LMNTD1: variants seen among roughly 807,000 people sequenced by gnomAD.
LMNTD1 encodes the protein lamin tail domain-containing protein 1.
In LMNTD1, 35 loss-of-function variants were observed where a neutral mutation model predicts 50.9. The observed-to-expected ratio is 0.69, with a 90% CI of 0.53 to 0.91. The LOEUF is 0.91. LMNTD1 is among the 40% of genes least tolerant of loss of function. The pLI is 0.00. For synonymous variants in LMNTD1, 153 were observed against 161.9 expected (o/e 0.94, Z 0.42); for missense variants, 470 against 475.5 (o/e 0.99, Z 0.11).
chr12:25,493,037 T>C (rs1393000579), intron 9 of LMNTD1, among the ~76,000 whole-genome samples: 3 of 152,240 alleles, frequency 2.0e-5, no homozygotes, highest in Non-Finnish European at 4.4e-5. Context: ...ACATCTAGCC[T>C]GTCTCTTAAA....
chr12:25,619,217 A>ACTCTCTCTCTCTCTCTCTCT (rs143233739), intron 1 of LMNTD1, among the ~76,000 whole-genome samples: 2 of 120,110 alleles, frequency 1.7e-5, no homozygotes, highest in African/African-American at 6.4e-5. Flanking sequence ...ATGCTTTTCA[A>ACTCTCTCTCTCTCTCTCTCT]CTCTCTCTCT....
Position 25,552,937 on chromosome 12 carries a change from T to C in LMNTD1, c.23A>G (p.Gln8Arg), listed in dbSNP as rs1481254581. The change falls in exon 2 of 10, where the codon CAG becomes CGG. Residue 8 changes from glutamine (Q) to arginine (R), a missense_variant. Coordinates refer to ENST00000458174, the MANE Select transcript of LMNTD1 (RefSeq NM_001145728.2). ...ATTCTGCATTGCCTTCGAAGCTTCC[T>C]GAATGTCTTGTGTATCTTTCATCTT... The part of the protein sequence containing the change: MKDTQDI[Q>R]EASKAMQNKV... 6.4e-7 allele frequency: 1 copy of C among 1,569,900 alleles called. No individual in the cohort carries two copies. Among genetic ancestry groups the C allele is most frequent in the Non-Finnish European group, 8.6e-7 (1 of 1,156,074 alleles).
upstream of LMNTD1, among the ~76,000 whole-genome samples, chr12:25,556,112 A>G (rs938264663): frequency 6.6e-6 from 1 of 151,950 alleles, no homozygotes; most frequent in African/African-American, 2.4e-5. Context: ...AGCTAGGACT[A>G]CAGGCATGTG....
intron 1 of LMNTD1, among the ~76,000 whole-genome samples, chr12:25,647,386 G>A (rs1335703453): frequency 6.6e-6 from 1 of 152,180 alleles, no homozygotes; most frequent in Non-Finnish European, 1.5e-5. Flanking sequence ...CTGCTCTGAA[G>A]GCTGAGGTGG....
At chr12:25,607,784 T>C (rs1414947802) in intron 1 of LMNTD1, among the ~76,000 whole-genome samples, 2 of 152,070 alleles carry the variant, frequency 1.3e-5, no homozygotes, top group African/African-American at 4.8e-5. Flanking sequence ...AAAGTGTGAT[T>C]TGGTGCTGAG....
chr12:25,580,008 T>C (rs1376925845), intron 1 of LMNTD1, among the ~76,000 whole-genome samples: 3 of 152,146 alleles, frequency 2.0e-5, no homozygotes, highest in Non-Finnish European at 4.4e-5. Context: ...CCCTTCATGA[T>C]TGGGCCTAAG....
Position 25,552,880 on chromosome 12 carries a change from TTCTC to T in LMNTD1, c.76_79del (p.Glu26AsnfsTer14). On this transcript the variant is annotated frameshift_variant, in exon 2 of 10. Transcript: ENST00000458174. LOFTEE classifies it high-confidence loss of function. ...ATCTATGCATGCTCACTGTTTTTGT[TTCTC>T]ATTCTTATCTTCCTGCTCATGGACT... 6.5e-7 allele frequency: 1 copy of T among 1,544,588 alleles called. No homozygotes were observed. The highest frequency in any genetic ancestry group is 8.8e-7 in the Non-Finnish European group (1 of 1,140,382).
chr12:25,518,884 G>A lies in LMNTD1; in HGVS notation c.1100C>T (p.Pro367Leu). 5 of 1,614,110 alleles carry A rather than the reference G, an allele frequency of 3.1e-6. No individual in the cohort carries two copies. The highest frequency in any genetic ancestry group is 4.2e-6 in the Non-Finnish European group (5 of 1,180,012). ...NPYVSAHPYC[P>L]LIEPHNTSTA... ...GGATGTATTGTGTGGTTCAATCAGA[G>A]GACAGTAAGGATGTGCAGAGACATA... The change falls in exon 8 of 10, where the codon CCT (proline) becomes CTT (leucine). Residue 367 changes from proline to leucine, a missense_variant. Coordinates refer to ENST00000458174, the MANE Select transcript of LMNTD1 (RefSeq NM_001145728.2).
intron 1 of LMNTD1, among the ~76,000 whole-genome samples, chr12:25,619,272 ATATATATG>A (rs1264370090): frequency 0.034 from 2,031 of 59,408 alleles, 22 homozygotes; most frequent in Middle Eastern, 0.045. Context: ...ATATATATAT[ATATATATG>A]TATAGCTAAC....
At chr12:25,623,901 G>A (rs1260650972) in intron 1 of LMNTD1, among the ~76,000 whole-genome samples, 1 of 152,120 alleles carries the variant, frequency 6.6e-6, no homozygotes, top group South Asian at 2.1e-4. Flanking sequence ...GCCATGGCCT[G>A]CTCTTTGCTG....
intron 9 of LMNTD1, among the ~76,000 whole-genome samples, chr12:25,497,263 G>A (rs1022001295): frequency 1.3e-5 from 2 of 152,050 alleles, no homozygotes; most frequent in East Asian, 3.9e-4. Context: ...CCTTTGCAGC[G>A]AGGATGAGAC....
intron 1 of LMNTD1, among the ~76,000 whole-genome samples, chr12:25,627,979 G>A (rs10842587): frequency 0.5 from 74,817 of 150,234 alleles, 20,472 homozygotes; most frequent in Non-Finnish European, 0.63. Context: ...ATGGTGGCGC[G>A]CGCCTGTAGT....
At chr12:25,527,413 T>C (rs1039623443) in intron 4 of LMNTD1, among the ~76,000 whole-genome samples, 7 of 151,544 alleles carry the variant, frequency 4.6e-5, no homozygotes, top group African/African-American at 1.7e-4. Context: ...AAACATAGGA[T>C]GGTGTTTTTC....
intron 4 of LMNTD1, among the ~76,000 whole-genome samples, chr12:25,537,177 C>T (rs1445827018): frequency 6.6e-6 from 1 of 152,190 alleles, no homozygotes; most frequent in Non-Finnish European, 1.5e-5. Flanking sequence ...CCCAGGCTTG[C>T]TTAGGTAAAC....
intron 8 of LMNTD1, among the ~76,000 whole-genome samples, chr12:25,513,966 A>G (rs962772903): frequency 2.1e-5 from 3 of 145,916 alleles, no homozygotes; most frequent in African/African-American, 7.7e-5. Context: ...AGTATCATAA[A>G]GGTATCAACT....
intron 9 of LMNTD1, among the ~76,000 whole-genome samples, chr12:25,476,695 A>C (rs1157238616): frequency 1.3e-5 from 2 of 152,176 alleles, no homozygotes; most frequent in Non-Finnish European, 2.9e-5. Flanking sequence ...TCTAGACTAA[A>C]GGATTTCTAT....
chr12:25,532,571 A>C (rs1942299319), intron 4 of LMNTD1, among the ~76,000 whole-genome samples: 1 of 152,206 alleles, frequency 6.6e-6, no homozygotes, highest in Non-Finnish European at 1.5e-5. Context: ...TTTGTCTCTC[A>C]GAAGAGGAAT....
intron 1 of LMNTD1, among the ~76,000 whole-genome samples, chr12:25,564,168 A>G (rs1270172164): frequency 6.6e-6 from 1 of 152,062 alleles, no homozygotes; most frequent in Non-Finnish European, 1.5e-5. Context: ...AGTGAGATGA[A>G]CCCGGTACCT....
chr12:25,599,780 T>G (rs1489097255), intron 1 of LMNTD1, among the ~76,000 whole-genome samples: 1 of 151,830 alleles, frequency 6.6e-6, no homozygotes, highest in Non-Finnish European at 1.5e-5. Flanking sequence ...TATGAAACGC[T>G]GACGAAAGAA....
Sources: allele counts gnomAD v4.1 joint callset (sites outside exome capture counted in the v4.1 genomes callset), GRCh38; gene constraint gnomAD v4.1.1; transcripts MANE v1.5; gene names NCBI Gene and HGNC (gene_info 2026-07-23, HGNC 2026-07-21).